The following CNKSR2 variants were observed in gnomAD, a reference collection of about 807,000 sequenced individuals.
The protein encoded by CNKSR2 is connector enhancer of kinase suppressor of Ras 2, also known as CNK homolog protein 2.
CNKSR2 carries 14 observed loss-of-function variants against 84.4 expected under a neutral mutation model. The observed-to-expected ratio is 0.17, with a 90% CI of 0.11 to 0.26. The LOEUF (loss-of-function observed/expected upper bound fraction) is 0.26, where lower values mean the gene tolerates loss of function less well. Among genes scored for constraint, CNKSR2 ranks in the 10% least tolerant of loss-of-function variants. CNKSR2 has a pLI of 1.00. For synonymous variants in CNKSR2, 275 were observed against 277.9 expected, an observed-to-expected ratio of 0.99 and a Z score of 0.10; for missense variants, 485 against 771.2, an observed-to-expected ratio of 0.63 and a Z score of 4.40.
chrX:21,623,088 A>G (rs1400488481), intron 20 of CNKSR2, among the ~76,000 whole-genome samples: 2 of 111,282 alleles, frequency 1.8e-5, no homozygotes, highest in East Asian at 2.8e-4. Context: ...TAAGAGTACC[A>G]TAGATTTCTA....
At chrX:21,555,995 C>A (rs1004554322) in intron 11 of CNKSR2, among the ~76,000 whole-genome samples, 1 of 110,395 alleles carries the variant, frequency 9.1e-6, no homozygotes, top group Admixed American at 9.7e-5. Context: ...ACTTGATTGG[C>A]AAACAGTTCT....
chrX:21,378,957 T>C (rs2089859429), intron 1 of CNKSR2, among the ~76,000 whole-genome samples: 1 of 112,238 alleles, frequency 8.9e-6, no homozygotes, highest in Non-Finnish European at 1.9e-5. Flanking sequence ...CTTTCCTGTT[T>C]ACTATAAATC....
At chrX:21,452,353 A>T (rs1317558776) in intron 4 of CNKSR2, among the ~76,000 whole-genome samples, 1 of 111,404 alleles carries the variant, frequency 9.0e-6, no homozygotes, top group East Asian at 2.8e-4. Flanking sequence ...AGGCCTCCCA[A>T]AGTAGTGGGA....
chrX:21,381,109 C>CA (rs1473462204), intron 1 of CNKSR2, among the ~76,000 whole-genome samples: 1 of 111,655 alleles, frequency 9.0e-6, no homozygotes, highest in African/African-American at 3.3e-5. Flanking sequence ...TTGTGGAAGC[C>CA]AAATGATCAA....
chrX:21,435,475 A>G (rs2090690765), intron 3 of CNKSR2, among the ~76,000 whole-genome samples: 1 of 111,506 alleles, frequency 9.0e-6, no homozygotes, highest in African/African-American at 3.3e-5. Context: ...AGCTCCTTAC[A>G]TTTCCTAAAT....
chrX:21,462,410 C>T (rs909206261), intron 4 of CNKSR2, among the ~76,000 whole-genome samples: 1 of 111,751 alleles, frequency 8.9e-6, no homozygotes, highest in African/African-American at 3.3e-5. Context: ...TAAACTTGAT[C>T]ATCAATTCTA....
intron 2 of CNKSR2, 111 bp from the exon 3 acceptor site, chrX:21,432,501 T>A: frequency 1.8e-6 from 1 of 544,068 alleles, no homozygotes; most frequent in South Asian, 3.0e-5. Flanking sequence ...CTTATTCATT[T>A]GTAACTCGAA....
chrX:21,582,937 A>T (rs759932248), intron 13 of CNKSR2, among the ~76,000 whole-genome samples: 23 of 111,479 alleles, frequency 2.1e-4, no homozygotes, highest in Non-Finnish European at 4.1e-4. Flanking sequence ...GATACATATG[A>T]CATTCTTTTT....
chrX:21,606,961 A>C (rs1042362088), intron 19 of CNKSR2, 82 bp downstream of exon 19: 1 of 476,740 alleles, frequency 2.1e-6, no homozygotes, highest in Non-Finnish European at 3.3e-6. Flanking sequence ...CATATGTAGT[A>C]GATTGCATAT....
chrX:21,442,257 G>GA (rs1294542139), intron 4 of CNKSR2, among the ~76,000 whole-genome samples: 48 of 96,952 alleles, frequency 5.0e-4, no homozygotes, highest in South Asian at 1.8e-3. Flanking sequence ...TGACACTTTT[G>GA]AAAAAAAAAA....
intron 11 of CNKSR2, 45 bp downstream of exon 11, chrX:21,532,112 A>G (rs751797928): frequency 5.5e-5 from 54 of 974,853 alleles, no homozygotes; most frequent in Middle Eastern, 3.9e-4. Context: ...TATTTCTGGC[A>G]TAGGAATCTC....
intron 11 of CNKSR2, among the ~76,000 whole-genome samples, chrX:21,552,099 GAAA>G (rs761761441): frequency 2.4e-5 from 2 of 84,591 alleles, no homozygotes; most frequent in Non-Finnish European, 4.8e-5. Context: ...TCCCCCATGA[GAAA>G]AAAAAAAAAA....
At chrX:21,386,018 C>CAAAAAAAAAAA in intron 1 of CNKSR2, among the ~76,000 whole-genome samples, 1 of 20,457 alleles carries the variant, frequency 4.9e-5, no homozygotes, top group Non-Finnish European at 9.8e-5. Flanking sequence ...TGGATGTAGG[C>CAAAAAAAAAAA]AAAAAAAAAA....
Position 21,490,529 on chromosome X carries a change from C to T in CNKSR2, c.632C>T (p.Ala211Val). ...TCAGATCCTCTGGTTTCACAGTCTG[C>T]TCACCTGGAAGTGATTCAACTGGCA... ...LSSDPLVSQSAHLEVIQLANI... is the reference protein window; with the variant it reads ...LSSDPLVSQSVHLEVIQLANI... The change falls in exon 6 of 22, where the codon GCT becomes GTT. Residue 211 changes from alanine (A) to valine (V), a missense_variant. Around this residue, in one of 5 missense-constraint regions of CNKSR2, gnomAD observed 109 missense variants for 197.5 expected, o/e 0.55. Coordinates refer to ENST00000379510, the MANE Select transcript of CNKSR2 (RefSeq NM_014927.5). 1 of 1,209,259 alleles carries T rather than the reference C, an allele frequency of 8.3e-7. No homozygotes were observed. The highest frequency in any genetic ancestry group is 1.1e-6 in the Non-Finnish European group (1 of 893,618).
chrX:21,648,017 T>C lies in CNKSR2; in HGVS notation c.2693-814T>C, dbSNP rs112074220. ...GATGGGAGTTTTATTTGTTCAGCTA[T>C]GTCTAAGACCCTTATTGAGCCAGTC... On this transcript the variant is annotated intron_variant, in intron 20 of 21. Coordinates refer to ENST00000379510, the MANE Select transcript of CNKSR2 (RefSeq NM_014927.5). 4.5e-3 allele frequency among the ~76,000 whole-genome samples: 500 copies of C among 111,865 alleles called. 2 individuals are homozygous for C. Among genetic ancestry groups the C allele is most frequent in the Non-Finnish European group, 7.4e-3 (392 of 53,049 alleles).
At chrX:21,375,100 C>T (rs2146931007) in intron 1 of CNKSR2, 139 bp downstream of exon 1, 1 of 542,798 alleles carries the variant, frequency 1.8e-6, no homozygotes, top group Non-Finnish European at 3.2e-6. Flanking sequence ...GGGCGGGGGT[C>T]CTCCAGGACT....
chrX:21,519,337 G>A (rs779732340), intron 9 of CNKSR2, among the ~76,000 whole-genome samples: 3 of 111,300 alleles, frequency 2.7e-5, no homozygotes, highest in African/African-American at 6.5e-5. Flanking sequence ...AAGGTACACT[G>A]CCTCCAGAGC....
intron 20 of CNKSR2, among the ~76,000 whole-genome samples, chrX:21,627,974 C>G (rs1455478160): frequency 9.0e-6 from 1 of 111,571 alleles, no homozygotes; most frequent in Non-Finnish European, 1.9e-5. Context: ...CAAGGCAAGT[C>G]CCTTCCATCT....
chrX:21,380,443 C>CT lies in CNKSR2; in HGVS notation c.64+5503dup, dbSNP rs1213793885. ...ACCCTAGATTAGGGCTCAATTTGTTCTTTTTTTTTTTTTTTTTTTTTGAGA... is the reference window on the plus strand; with the variant it reads ...ACCCTAGATTAGGGCTCAATTTGTTCTTTTTTTTTTTTTTTTTTTTTTGAGA... On this transcript the variant is annotated intron_variant, in intron 1 of 21. Transcript: ENST00000379510. 7.0e-3 allele frequency among the ~76,000 whole-genome samples: 489 copies of CT among 70,255 alleles called. 4 individuals carry two copies. Among genetic ancestry groups the CT allele is most frequent in the East Asian group, 0.025 (60 of 2,429 alleles). 61.0% of individuals were successfully genotyped at this position (70,255 alleles called of 115,157 possible).
Sources: allele counts gnomAD v4.1 joint callset (sites outside exome capture counted in the v4.1 genomes callset), GRCh38; gene constraint gnomAD v4.1.1; regional missense constraint gnomAD v4.1.1; transcripts MANE v1.5; gene names NCBI Gene and HGNC (gene_info 2026-07-23, HGNC 2026-07-21).